The following CDK13 variants were observed in gnomAD, a reference collection of about 807,000 sequenced individuals.
The protein encoded by CDK13 is cyclin dependent kinase 13, also known as cyclin-dependent kinase 13.
CDK13 carries 40 observed loss-of-function variants against 137.6 expected under a neutral mutation model. That is an observed-to-expected ratio of 0.29 (90% CI 0.23 to 0.38). CDK13 has a LOEUF of 0.38. CDK13 is among the 10% of genes least tolerant of loss of function. The pLI is 1.00. For synonymous variants in CDK13, 869 were observed against 760.1 expected, an observed-to-expected ratio of 1.14 and a Z score of -2.36; for missense variants, 1,704 against 1,951.8, an observed-to-expected ratio of 0.87 and a Z score of 2.39.
chr7:39,981,224 C>G (rs941680855), intron 1 of CDK13, among the ~76,000 whole-genome samples: 1 of 151,874 alleles, frequency 6.6e-6, no homozygotes, highest in Admixed American at 6.6e-5. Context: ...AAAAATTAGT[C>G]GAGTGTGGTG....
At chr7:39,966,431 A>G (rs1373876692) in intron 1 of CDK13, among the ~76,000 whole-genome samples, 1 of 152,140 alleles carries the variant, frequency 6.6e-6, no homozygotes, top group Non-Finnish European at 1.5e-5. Context: ...TTCATCACGT[A>G]GTTCTTGTGC....
chr7:39,999,630 T>C, intron 4 of CDK13, 130 bp downstream of exon 4: 1 of 908,552 alleles, frequency 1.1e-6, no homozygotes, highest in Non-Finnish European at 1.7e-6. Context: ...TGTTTCATCT[T>C]GTTTTTTTAT....
At chr7:40,082,260 G>A (rs551895796) in intron 11 of CDK13, among the ~76,000 whole-genome samples, 20 of 151,472 alleles carry the variant, frequency 1.3e-4, no homozygotes, top group South Asian at 2.1e-4. Flanking sequence ...AGGCCAAGGC[G>A]GATAGATCAC....
At chr7:40,049,963 C>G (rs1785847082) in intron 7 of CDK13, among the ~76,000 whole-genome samples, 1 of 151,238 alleles carries the variant, frequency 6.6e-6, no homozygotes. Flanking sequence ...GTATATGCCA[C>G]ATTTTCCTTT....
intron 5 of CDK13, among the ~76,000 whole-genome samples, chr7:40,043,758 G>A (rs997038215): frequency 6.6e-6 from 1 of 151,702 alleles, no homozygotes; most frequent in African/African-American, 2.4e-5. Context: ...GAGCTCAGAG[G>A]TCAGGGATAT....
rs1787173651 is a variant in CDK13, at chr7:39,951,238, C to T, written c.597C>T (p.Arg199=). 1 of 1,287,976 alleles carries T rather than the reference C, an allele frequency of 7.8e-7. No homozygotes were observed. The highest frequency in any genetic ancestry group is 9.8e-7 in the Non-Finnish European group (1 of 1,021,604). 79.8% of individuals were successfully genotyped at this position (1,287,976 alleles called of 1,614,324 possible). The change falls in exon 1 of 14, where the codon CGC becomes CGT. Residue 199 remains arginine, a synonymous_variant. Transcript: ENST00000181839. ...GGGAGGGGTCGGAGCGCAGGCCCCG[C>T]CGGGACCGCCGCAGCAGCAGTGGCC... ...RRGEGSERRP[R]RDRRSSSGRS...
chr7:40,047,858 T>G lies in CDK13; in HGVS notation c.2581T>G (p.Leu861Val). The G allele has an allele frequency of 6.2e-7, 1 of 1,610,186 alleles. No homozygotes were observed. The highest frequency in any genetic ancestry group is 8.5e-7 in the Non-Finnish European group (1 of 1,176,834). The change falls in exon 7 of 14, where the codon TTG becomes GTG. Residue 861 changes from leucine (L) to valine (V), a missense_variant. Coordinates refer to ENST00000181839, the MANE Select transcript of CDK13 (RefSeq NM_003718.5). ...ACTTGCAGACTTTGGACTTGCTCGATTGTATAGCTCAGAAGAAAGGTAAGC... is the reference window on the plus strand; with the variant it reads ...ACTTGCAGACTTTGGACTTGCTCGAGTGTATAGCTCAGAAGAAAGGTAAGC... Reference protein sequence around the residue: ...IKLADFGLARLYSSEESRPYT... With the variant: ...IKLADFGLARVYSSEESRPYT...
At chr7:39,969,841 G>T (rs553092548) in intron 1 of CDK13, among the ~76,000 whole-genome samples, 5 of 151,944 alleles carry the variant, frequency 3.3e-5, no homozygotes, top group African/African-American at 4.8e-5. Flanking sequence ...CATTCTTCAT[G>T]AATTGGGTTG....
chr7:40,064,026 C>T (rs1352635597), intron 9 of CDK13, among the ~76,000 whole-genome samples: 7 of 151,902 alleles, frequency 4.6e-5, no homozygotes, highest in African/African-American at 1.5e-4. Flanking sequence ...TTCTCACGCC[C>T]GTAATCCCAG....
rs1294237319 is a variant in CDK13, at chr7:39,992,654, A to C, written c.1871+4396A>C. 1.3e-5 allele frequency among the ~76,000 whole-genome samples: 2 copies of C among 151,846 alleles called. 1 individual carries two copies. Among genetic ancestry groups the C allele is most frequent in the Middle Eastern group, 6.3e-3 (2 of 316 alleles). On this transcript the variant is annotated intron_variant, in intron 2 of 13. Transcript: ENST00000181839. ...ATAATATCATCCACTATATATAATC[A>C]ATAATCAGTACTCCCCCCCTACCCC... is the stretch of plus-strand genomic sequence containing the variant.
intron 5 of CDK13, among the ~76,000 whole-genome samples, chr7:40,024,645 GTTTTTTTTTTTTTT>G (rs58010602): frequency 0.01 from 526 of 50,296 alleles, 7 homozygotes; most frequent in African/African-American, 0.034. Flanking sequence ...GTAGCTCTGT[GTTTTTTTTTTTTTT>G]TTTTTTTTTT....
chr7:40,074,175 G>T (rs144955268), intron 9 of CDK13, among the ~76,000 whole-genome samples: 3,372 of 152,240 alleles, frequency 0.022, 76 homozygotes, highest in Non-Finnish European at 0.034. Context: ...GCTGTGATTA[G>T]AGGCATGAGC....
intron 7 of CDK13, among the ~76,000 whole-genome samples, chr7:40,060,484 C>T (rs1484664000): frequency 6.6e-6 from 1 of 152,128 alleles, no homozygotes; most frequent in Non-Finnish European, 1.5e-5. Flanking sequence ...CCCAGTAAAT[C>T]ATGTGTCATC....
chr7:40,056,082 A>G (rs1354982550), intron 7 of CDK13, among the ~76,000 whole-genome samples: 4 of 152,276 alleles, frequency 2.6e-5, no homozygotes, highest in Non-Finnish European at 5.9e-5. Flanking sequence ...AGTATACTAT[A>G]TTACTGAATT....
chr7:40,038,647 A>C (rs901560138), intron 5 of CDK13, among the ~76,000 whole-genome samples: 1 of 152,026 alleles, frequency 6.6e-6, no homozygotes, highest in African/African-American at 2.4e-5. Flanking sequence ...CTACTTTTAG[A>C]TTTTTGTCAA....
intron 1 of CDK13, chr7:39,985,696 T>C (rs1419595078): frequency 6.6e-6 from 1 of 152,180 alleles, no homozygotes; most frequent in Non-Finnish European, 1.5e-5. Flanking sequence ...AATGCTGAGT[T>C]TCAGACCTGA....
At chr7:39,976,694 A>T (rs1395805800) in intron 1 of CDK13, among the ~76,000 whole-genome samples, 2 of 152,150 alleles carry the variant, frequency 1.3e-5, no homozygotes, top group Non-Finnish European at 2.9e-5. Flanking sequence ...AGTTTAATTT[A>T]TAAATTAGGC....
At position 40,094,549 on chromosome 7, in the gene CDK13, G is replaced by C. The variant is rs565985025; in HGVS notation, c.4108G>C (p.Gly1370Arg). The change falls in exon 14 of 14, where the codon GGA (glycine) becomes CGA (arginine). Residue 1370 changes from glycine (G) to arginine (R), a missense_variant. By Grantham distance (125) the Gly-to-Arg change is moderately radical. Transcript: ENST00000181839. Reference protein sequence around the residue: ...APPLERRSFIGNSDIQSLDNY... With the variant: ...APPLERRSFIRNSDIQSLDNY... ...ACCACTAGAACGACGTAGTTTCATTGGAAATTCAGATATTCAGTCTTTGGA... is the reference window on the plus strand; with the variant it reads ...ACCACTAGAACGACGTAGTTTCATTCGAAATTCAGATATTCAGTCTTTGGA... The C allele has an allele frequency of 8.3e-5, 134 of 1,611,424 alleles. No individual in the cohort carries two copies. In the South Asian group the frequency reaches 1.1e-3, roughly 13 times the overall value.
chr7:40,002,556 C>G (rs1439028447), intron 5 of CDK13, among the ~76,000 whole-genome samples: 1 of 152,060 alleles, frequency 6.6e-6, no homozygotes, highest in African/African-American at 2.4e-5. Context: ...TATTATAGGG[C>G]ATATGATGGG....
Sources: allele counts gnomAD v4.1 joint callset (sites outside exome capture counted in the v4.1 genomes callset), GRCh38; gene constraint gnomAD v4.1.1; transcripts MANE v1.5; gene names NCBI Gene and HGNC (gene_info 2026-07-23, HGNC 2026-07-21).